PTPRM: variants seen among roughly 807,000 people sequenced by gnomAD.
The protein encoded by PTPRM is receptor-type tyrosine-protein phosphatase mu.
A neutral mutation model predicts 186.7 loss-of-function variants in PTPRM; 47 were observed. The ratio of observed to expected loss-of-function variants is 0.25; its 90% CI spans 0.20 to 0.32. The LOEUF (loss-of-function observed/expected upper bound fraction) is 0.32. Ranked by LOEUF, PTPRM falls within the 10% of genes least tolerant of loss-of-function variation. The pLI is 1.00. For synonymous variants in PTPRM, 668 were observed against 674.9 expected (o/e 0.99, Z 0.16); for missense variants, 1,494 against 1,865.0 (o/e 0.80, Z 3.66).
intron 2 of PTPRM, among the ~76,000 whole-genome samples, chr18:7,853,131 T>C (rs1196531823): frequency 1.3e-5 from 2 of 152,244 alleles, no homozygotes; most frequent in African/African-American, 2.4e-5. Flanking sequence ...GAATAGAATG[T>C]TCTAAAGTCA....
chr18:7,869,141 G>C (rs778655562), intron 2 of PTPRM, among the ~76,000 whole-genome samples: 2 of 152,200 alleles, frequency 1.3e-5, no homozygotes, highest in Non-Finnish European at 2.9e-5. Flanking sequence ...GCTCCGTGGA[G>C]GTGGGATCTG....
chr18:7,635,460 T>C (rs1384089050), intron 1 of PTPRM, among the ~76,000 whole-genome samples: 1 of 152,218 alleles, frequency 6.6e-6, no homozygotes, highest in Non-Finnish European at 1.5e-5. Flanking sequence ...TTAGCTTCTA[T>C]TATTCATAAA....
At chr18:7,853,002 A>G (rs1328229445) in intron 2 of PTPRM, among the ~76,000 whole-genome samples, 1 of 152,254 alleles carries the variant, frequency 6.6e-6, no homozygotes, top group African/African-American at 2.4e-5. Context: ...CTTTACACTG[A>G]TAAGAGGTTC....
Position 8,276,660 on chromosome 18 carries a change from G to A in PTPRM, c.2755-19708G>A, listed in dbSNP as rs148670940. Among the ~76,000 whole-genome samples the A allele has an allele frequency of 5.8e-3, 881 of 152,294 alleles. 10 individuals carry two copies. Among genetic ancestry groups the A allele is most frequent in the African/African-American group, 0.02 (833 of 41,576 alleles). ...TCTTAGAGAGCTCCATCTCATATCT[G>A]TGTCACCACGCTCATGAGAGGTACT... On this transcript the variant is annotated intron_variant, in intron 19 of 32. Transcript: ENST00000580170.
intron 19 of PTPRM, among the ~76,000 whole-genome samples, chr18:8,273,922 A>G (rs2094802952): frequency 1.3e-5 from 2 of 152,100 alleles, no homozygotes; most frequent in South Asian, 4.2e-4. Context: ...ATTAGTTCTG[A>G]CTGTCAGCAT....
chr18:7,655,709 A>G (rs957222413), intron 1 of PTPRM, among the ~76,000 whole-genome samples: 9 of 152,222 alleles, frequency 5.9e-5, no homozygotes, highest in African/African-American at 2.2e-4. Flanking sequence ...CAATGCTAAG[A>G]AGAAATGAGT....
chr18:8,127,081 A>T (rs1015660632), intron 13 of PTPRM, among the ~76,000 whole-genome samples: 2 of 152,178 alleles, frequency 1.3e-5, no homozygotes, highest in African/African-American at 4.8e-5. Flanking sequence ...CACACTAGAA[A>T]CATTGGAGAA....
chr18:7,845,777 A>G (rs2046563806), intron 2 of PTPRM, among the ~76,000 whole-genome samples: 1 of 152,034 alleles, frequency 6.6e-6, no homozygotes, highest in Admixed American at 6.5e-5. Context: ...TCCATACATA[A>G]TAGTGCAGTT....
chr18:7,623,653 T>C (rs1334286495), intron 1 of PTPRM, among the ~76,000 whole-genome samples: 1 of 152,218 alleles, frequency 6.6e-6, no homozygotes, highest in Non-Finnish European at 1.5e-5. Context: ...TCATTATTAA[T>C]AATGTTACCT....
intron 5 of PTPRM, among the ~76,000 whole-genome samples, chr18:7,928,215 A>T (rs1417286063): frequency 6.6e-6 from 1 of 152,012 alleles, no homozygotes; most frequent in Non-Finnish European, 1.5e-5. Flanking sequence ...GTTTTTTCAT[A>T]CCCTACTGTC....
chr18:7,670,180 C>CT (rs11429026), intron 1 of PTPRM, among the ~76,000 whole-genome samples: 46,120 of 151,806 alleles, frequency 0.3, 9,922 homozygotes, highest in African/African-American at 0.6. Flanking sequence ...GATATTTTAC[C>CT]TTTTTTTCAT....
chr18:8,399,600 T>G (rs1194613063), intron 32 of PTPRM: 2 of 152,228 alleles, frequency 1.3e-5, no homozygotes. Flanking sequence ...AAGAGTTATC[T>G]TGTTATACTC....
intron 7 of PTPRM, among the ~76,000 whole-genome samples, chr18:8,042,920 A>C (rs1379531309): frequency 6.6e-6 from 1 of 151,556 alleles, no homozygotes; most frequent in Admixed American, 6.6e-5. Context: ...CCCCCTGTAG[A>C]CCCTCCAACT....
At chr18:7,753,600 T>A (rs577001179) in intron 1 of PTPRM, among the ~76,000 whole-genome samples, 12 of 152,280 alleles carry the variant, frequency 7.9e-5, no homozygotes, top group Admixed American at 3.3e-4. Flanking sequence ...TAGTAAGAGA[T>A]CAGTAAGTAT....
At chr18:8,174,744 C>T (rs2093456720) in intron 14 of PTPRM, among the ~76,000 whole-genome samples, 1 of 152,122 alleles carries the variant, frequency 6.6e-6, no homozygotes, top group Admixed American at 6.6e-5. Context: ...TGAATCATAA[C>T]CTCCATTGCT....
At chr18:8,253,510 C>T (rs2094548311) in intron 19 of PTPRM, 96 bp downstream of exon 19, 4 of 1,164,824 alleles carry the variant, frequency 3.4e-6, no homozygotes, top group Non-Finnish European at 4.5e-6. Context: ...AGAGAAAACC[C>T]CCTGCCCCGA....
At chr18:8,012,953 C>T (rs2084630066) in intron 7 of PTPRM, among the ~76,000 whole-genome samples, 2 of 151,984 alleles carry the variant, frequency 1.3e-5, no homozygotes, top group South Asian at 4.1e-4. Context: ...CTGCCTCTTG[C>T]ACTGGGGAGG....
intron 1 of PTPRM, among the ~76,000 whole-genome samples, chr18:7,758,417 C>T (rs993779457): frequency 1.3e-5 from 2 of 152,122 alleles, no homozygotes; most frequent in African/African-American, 4.8e-5. Flanking sequence ...TTCAGGAGCC[C>T]TACTGGAAAC....
At chr18:8,275,692 G>A (rs1421868876) in intron 19 of PTPRM, among the ~76,000 whole-genome samples, 4 of 152,150 alleles carry the variant, frequency 2.6e-5, no homozygotes, top group Admixed American at 1.3e-4. Context: ...AAAGGGATTC[G>A]TGTCTATTTC....
Sources: gnomAD v4.1 joint callset for allele counts (sites outside exome capture counted in the v4.1 genomes callset) on GRCh38, gnomAD v4.1.1 for gene constraint, MANE v1.5 for transcripts, NCBI Gene and HGNC (gene_info 2026-07-23, HGNC 2026-07-21) for gene names.